Variants in ACYP2 observed in about 807,000 individuals in gnomAD.
The protein encoded by ACYP2 is acylphosphatase-2.
In ACYP2, 12 loss-of-function variants were observed where a neutral mutation model predicts 11.2. The ratio of observed to expected loss-of-function variants is 1.08; its 90% CI spans 0.69 to 1.74. The LOEUF is 1.74. ACYP2 is among the 40% of genes most tolerant of loss of function. The probability of loss-of-function intolerance (pLI) is 0.00; values close to 1 mark genes in which losing one functional copy is unlikely to be tolerated. For missense variants in ACYP2, 134 were observed against 101.9 expected (o/e 1.31, Z -1.35); for synonymous variants, 43 against 32.2 (o/e 1.33, Z -1.13).
intron 3 of ACYP2, among the ~76,000 whole-genome samples, chr2:54,053,154 T>C (rs918532991): frequency 1.2e-4 from 18 of 152,242 alleles, no homozygotes; most frequent in South Asian, 4.1e-4. Flanking sequence ...CTACAGGGCA[T>C]TGCTTTTGCT....
chr2:54,221,611 C>T (rs1212835484), intron 6 of ACYP2, among the ~76,000 whole-genome samples: 1 of 149,922 alleles, frequency 6.7e-6, no homozygotes, highest in Non-Finnish European at 1.5e-5. Context: ...ACCTCTGCTT[C>T]CCAGGTTCAA....
intron 1 of ACYP2, chr2:53,973,617 C>T (rs946503218): frequency 1.0e-5 from 2 of 198,706 alleles, no homozygotes; most frequent in African/African-American, 4.7e-5. Context: ...AGATCCACCC[C>T]CTGCCCCCAA....
At chr2:53,992,073 C>T (rs985247959) in intron 2 of ACYP2, among the ~76,000 whole-genome samples, 1 of 145,138 alleles carries the variant, frequency 6.9e-6, no homozygotes, top group Non-Finnish European at 1.5e-5. Context: ...TTCCTTTTTT[C>T]CCCTTCCTTC....
intron 6 of ACYP2, among the ~76,000 whole-genome samples, chr2:54,189,696 C>G (rs1684156580): frequency 6.6e-6 from 1 of 152,100 alleles, no homozygotes; most frequent in African/African-American, 2.4e-5. Flanking sequence ...TACAAGGTGG[C>G]AAATTCATTT....
rs1312043698 is a variant in ACYP2 at position 54,244,445 on chromosome 2, G to A, written c.405-60243G>A. On this transcript the variant is annotated intron_variant, in intron 6 of 6. Transcript: ENST00000607452. Reference sequence around the variant, plus strand: ...TCGAACTCCTGACCTCAAGTGATCTGCCTGCCTCAGCCTCCCAAAGTGCTG... The same window carrying A: ...TCGAACTCCTGACCTCAAGTGATCTACCTGCCTCAGCCTCCCAAAGTGCTG... Among the ~76,000 whole-genome samples, 4 of 152,188 alleles carry A rather than the reference G, an allele frequency of 2.6e-5. No individual in the cohort carries two copies. In the East Asian group the frequency reaches 5.8e-4, roughly 22 times the overall value.
At chr2:54,031,569 A>C (rs527647590) in intron 2 of ACYP2, among the ~76,000 whole-genome samples, 352 of 152,296 alleles carry the variant, frequency 2.3e-3, no homozygotes, top group African/African-American at 8.1e-3. Context: ...TATTGTGAAT[A>C]GTGCCGCAAT....
intron 2 of ACYP2, among the ~76,000 whole-genome samples, chr2:54,038,122 G>T (rs1008999939): frequency 6.6e-6 from 1 of 152,208 alleles, no homozygotes; most frequent in African/African-American, 2.4e-5. Context: ...GACAACTCTG[G>T]ATCAACACTT....
intron 2 of ACYP2, among the ~76,000 whole-genome samples, chr2:54,016,795 G>A (rs1273873454): frequency 2.0e-5 from 3 of 148,968 alleles, no homozygotes; most frequent in African/African-American, 5.0e-5. Flanking sequence ...GCACGATCTC[G>A]GCTCACTGCA....
chr2:54,132,362 A>T (rs527350715), intron 4 of ACYP2, among the ~76,000 whole-genome samples: 3 of 152,050 alleles, frequency 2.0e-5, no homozygotes, highest in Admixed American at 2.0e-4. Flanking sequence ...AATATGTCCC[A>T]CTCATCATTC....
intron 4 of ACYP2, among the ~76,000 whole-genome samples, chr2:54,127,909 G>T (rs1680639755): frequency 6.6e-6 from 1 of 152,160 alleles, no homozygotes; most frequent in Non-Finnish European, 1.5e-5. Flanking sequence ...AGACTGAATG[G>T]AAAAAATAAA....
At chr2:54,127,966 C>T (rs546093467) in intron 4 of ACYP2, among the ~76,000 whole-genome samples, 1 of 152,292 alleles carries the variant, frequency 6.6e-6, no homozygotes, top group South Asian at 2.1e-4. Context: ...CTTTGTTGCA[C>T]CTAATCTGTC....
At position 54,101,385 on chromosome 2, in the gene ACYP2, C is replaced by T. The variant is rs1451060578; in HGVS notation, c.278-34068C>T. On this transcript the variant is annotated intron_variant, in intron 4 of 6. Coordinates refer to ENST00000607452, the MANE Select transcript of ACYP2 (RefSeq NM_001320586.2). ...GAGAGATTTATAACTTAAGAACTGC[C>T]AGGGGCCGGGCGCGGTGGCTCACGC... 2.0e-5 allele frequency among the ~76,000 whole-genome samples: 3 copies of T among 152,022 alleles called. No homozygotes were observed. The East Asian group carries it at 5.8e-4, about 29-fold the overall frequency.
At chr2:54,092,741 CT>C (rs1275701492) in intron 4 of ACYP2, among the ~76,000 whole-genome samples, 2 of 152,158 alleles carry the variant, frequency 1.3e-5, no homozygotes, top group African/African-American at 4.8e-5. Context: ...GGTGAACTTA[CT>C]ATAGAAGCAG....
intron 2 of ACYP2, among the ~76,000 whole-genome samples, chr2:54,038,925 G>C (rs1675064905): frequency 6.6e-6 from 1 of 151,926 alleles, no homozygotes; most frequent in Non-Finnish European, 1.5e-5. Context: ...ATTTTAGATG[G>C]GTTAACAGGG....
intron 4 of ACYP2, among the ~76,000 whole-genome samples, chr2:54,090,564 G>A (rs1423758232): frequency 6.6e-6 from 1 of 152,156 alleles, no homozygotes; most frequent in Non-Finnish European, 1.5e-5. Flanking sequence ...CCGGGAGGTG[G>A]AGTTTGCAGT....
chr2:54,142,025 T>C lies in ACYP2; in HGVS notation c.404+3277T>C, dbSNP rs1572847902. 5 of 341,676 alleles carry C rather than the reference T, an allele frequency of 1.5e-5. No homozygotes were observed. The East Asian group carries it at 3.6e-4, about 24-fold the overall frequency. The allele number at this position is 341,676 out of a possible 1,614,324, so 21.2% of individuals were successfully genotyped here. A position where few individuals can be genotyped will look rare whatever the true frequency, so the allele number is the denominator to read the frequency against. ...TGTGTGTGTGTGTATATTTTGTTGT[T>C]GTTGTTGTTGTTGTTGTTGTTGTTG... is the stretch of plus-strand genomic sequence containing the variant. On this transcript the variant is annotated intron_variant, in intron 6 of 6. Transcript: ENST00000607452.
At chr2:54,263,128 A>C (rs900538160) in intron 6 of ACYP2, among the ~76,000 whole-genome samples, 1 of 152,234 alleles carries the variant, frequency 6.6e-6, no homozygotes, top group Admixed American at 6.5e-5. Flanking sequence ...TAATTGGTTC[A>C]GCAGGCTTTA....
intron 6 of ACYP2, among the ~76,000 whole-genome samples, chr2:54,266,292 C>A (rs1191575004): frequency 6.6e-6 from 1 of 152,180 alleles, no homozygotes; most frequent in Non-Finnish European, 1.5e-5. Context: ...CCACAACCCA[C>A]TGGACATGCC....
chr2:53,985,457 T>G (rs936759973), intron 2 of ACYP2, among the ~76,000 whole-genome samples: 3 of 152,134 alleles, frequency 2.0e-5, no homozygotes, highest in African/African-American at 7.2e-5. Flanking sequence ...GGCTGATGGC[T>G]ATCTGGAAAA....
Sources: allele counts gnomAD v4.1 joint callset (sites outside exome capture counted in the v4.1 genomes callset), GRCh38; gene constraint gnomAD v4.1.1; transcripts MANE v1.5; gene names NCBI Gene and HGNC (gene_info 2026-07-23, HGNC 2026-07-21).